Variants in MAPK14 observed in about 807,000 individuals in gnomAD.
MAPK14 encodes the protein mitogen-activated protein kinase 14, also known as CSAID-binding protein.
A neutral mutation model predicts 49.6 loss-of-function variants in MAPK14; 16 were observed. The ratio of observed to expected loss-of-function variants is 0.32; its 90% CI spans 0.22 to 0.49. The LOEUF (loss-of-function observed/expected upper bound fraction) is 0.49. MAPK14 is among the 20% of genes least tolerant of loss of function. The pLI is 0.99. For missense variants in MAPK14, 200 were observed against 441.2 expected, an observed-to-expected ratio of 0.45 and a Z score of 4.90; for synonymous variants, 142 against 158.0, an observed-to-expected ratio of 0.90 and a Z score of 0.76.
chr6:36,122,159 G>A, the MAPK14 span, among the ~76,000 whole-genome samples: 14 of 152,262 alleles, frequency 9.2e-5, no homozygotes, highest in Non-Finnish European at 1.9e-4. Flanking sequence ...CCCTGACCAA[G>A]GTCCATAGGG....
rs2127473909 is a variant in MAPK14, at chr6:36,103,422, C to T, written c.841+773C>T. Among the ~76,000 whole-genome samples the T allele has an allele frequency of 2.0e-5, 3 of 152,182 alleles. No homozygotes were observed. The Middle Eastern group carries it at 0.01, about 518-fold the overall frequency. ...TGGCACAATCATAGCTCACTGCAAG[C>T]TTGAACTCCTGGGCTCCAGTGATCC... On this transcript the variant is annotated intron_variant, in intron 10 of 11. Coordinates refer to ENST00000229794, the MANE Select transcript of MAPK14 (RefSeq NM_139012.3).
At chr6:36,033,990 G>A (rs1190510678) in intron 1 of MAPK14, among the ~76,000 whole-genome samples, 2 of 152,160 alleles carry the variant, frequency 1.3e-5, no homozygotes, top group Non-Finnish European at 2.9e-5. Flanking sequence ...TTCATTAAAG[G>A]AATGGCATAC....
At chr6:36,043,991 G>C (rs1361093595) in intron 1 of MAPK14, among the ~76,000 whole-genome samples, 1 of 151,512 alleles carries the variant, frequency 6.6e-6, no homozygotes, top group Non-Finnish European at 1.5e-5. Context: ...TGTATTTTTA[G>C]TAGAGACGGG....
At position 36,056,936 on chromosome 6, in the gene MAPK14, G is replaced by A. The variant is rs148641773; in HGVS notation, c.247-2353G>A. Among the ~76,000 whole-genome samples the A allele has an allele frequency of 1.2e-3, 177 of 152,260 alleles. 6 individuals carry two copies. In the East Asian group the frequency reaches 0.033, roughly 29 times the overall value. On this transcript the variant is annotated intron_variant, in intron 2 of 11. Transcript: ENST00000229794. ...GGAGTATACCAAACTCAAGGGAAAC[G>A]ATTATGGTTTAGATGGAGAAGGTAA...
At chr6:36,074,178 T>C (rs933901160) in intron 6 of MAPK14, 82 bp downstream of exon 6, 1 of 1,014,736 alleles carries the variant, frequency 9.9e-7, no homozygotes, top group African/African-American at 1.6e-5. Context: ...TCTTAGGGAG[T>C]AGCTTTGTGA....
At chr6:36,080,544 A>T (rs916547465) in intron 8 of MAPK14, among the ~76,000 whole-genome samples, 1 of 152,200 alleles carries the variant, frequency 6.6e-6, no homozygotes, top group Admixed American at 6.5e-5. Flanking sequence ...TCAGAATACT[A>T]TTCCATTGTA....
chr6:36,106,936 A>G (rs1339476151), intron 10 of MAPK14, among the ~76,000 whole-genome samples: 1 of 151,934 alleles, frequency 6.6e-6, no homozygotes, highest in African/African-American at 2.4e-5. Flanking sequence ...CTGCCTACCT[A>G]TTGTAGGTTA....
intron 3 of MAPK14, among the ~76,000 whole-genome samples, chr6:36,065,042 CATACCT>C (rs200317042): frequency 6.6e-6 from 1 of 152,342 alleles, no homozygotes; most frequent in East Asian, 1.9e-4. Flanking sequence ...TTTTTCCCCA[CATACCT>C]ACATGACTGT....
chr6:36,095,838 G>T, intron 8 of MAPK14, 149 bp from the exon 9 acceptor site: 1 of 598,536 alleles, frequency 1.7e-6, no homozygotes. Flanking sequence ...CAGGAGCCTT[G>T]ACCTAGAGGG....
intron 8 of MAPK14, among the ~76,000 whole-genome samples, chr6:36,091,338 C>T (rs1765220787): frequency 6.6e-6 from 1 of 151,278 alleles, no homozygotes; most frequent in Non-Finnish European, 1.5e-5. Context: ...TTAAGTTGTT[C>T]TTTTCTTCAT....
At chr6:36,101,030 TA>T (rs1765615636) in intron 9 of MAPK14, among the ~76,000 whole-genome samples, 1 of 152,224 alleles carries the variant, frequency 6.6e-6, no homozygotes, top group African/African-American at 2.4e-5. Context: ...CATGTTCAAG[TA>T]GAAAGGGATT....
At position 36,107,269 on chromosome 6, in the gene MAPK14, T is replaced by TAC. The variant is rs67149910; in HGVS notation, c.842-164_842-163dup. Among the ~76,000 whole-genome samples the TAC allele has an allele frequency of 1.3e-3, 189 of 150,770 alleles. No homozygotes were observed. Among genetic ancestry groups the TAC allele is most frequent in the African/African-American group, 3.3e-3 (136 of 41,092 alleles). On this transcript the variant is annotated intron_variant, in intron 10 of 11. Transcript: ENST00000229794. The surrounding 1 kb of genome is among the most constrained non-coding windows in gnomAD (Gnocchi z 4.3). The stretch of plus-strand genomic sequence containing the variant: ...AATTTTAAAACATAGAAAATACAGA[T>TAC]ACACACACACACACACACACACATA...
At chr6:36,063,578 T>C (rs1763917368) in intron 3 of MAPK14, among the ~76,000 whole-genome samples, 1 of 152,170 alleles carries the variant, frequency 6.6e-6, no homozygotes, top group Admixed American at 6.5e-5. Context: ...GACAGAGTGA[T>C]ATATGTGGTC....
chr6:36,101,463 G>T (rs894509680), intron 9 of MAPK14, among the ~76,000 whole-genome samples: 1 of 151,396 alleles, frequency 6.6e-6, no homozygotes, highest in Non-Finnish European at 1.5e-5. Context: ...AATAAATAAA[G>T]AAGGTGAACT....
intron 8 of MAPK14, among the ~76,000 whole-genome samples, chr6:36,093,736 A>C (rs1295084764): frequency 6.6e-6 from 1 of 151,664 alleles, no homozygotes; most frequent in African/African-American, 2.4e-5. Flanking sequence ...AAAAAAAAAA[A>C]AAAAAAACAA....
At chr6:36,070,311 CAGTT>C in intron 3 of MAPK14, among the ~76,000 whole-genome samples, 2 of 152,258 alleles carry the variant, frequency 1.3e-5, no homozygotes, top group Middle Eastern at 3.4e-3. Context: ...TCTGTGGGGT[CAGTT>C]AGTTTTAGAT....
chr6:36,048,505 G>A (rs958687830), intron 1 of MAPK14, among the ~76,000 whole-genome samples: 8 of 152,210 alleles, frequency 5.3e-5, no homozygotes, highest in Admixed American at 2.0e-4. Flanking sequence ...GACTGTATTG[G>A]ATGCATTTGG....
chr6:36,052,278 T>C (rs1304720187), intron 1 of MAPK14, among the ~76,000 whole-genome samples: 2 of 152,206 alleles, frequency 1.3e-5, no homozygotes, highest in African/African-American at 4.8e-5. Context: ...CAACTCTGTT[T>C]ATTAATCTGT....
intron 1 of MAPK14, among the ~76,000 whole-genome samples, chr6:36,046,132 G>A (rs961384699): frequency 3.9e-5 from 6 of 152,148 alleles, no homozygotes; most frequent in African/African-American, 7.2e-5. Context: ...TTATGTACTG[G>A]ATTCACGGTC....
Sources: gnomAD v4.1 joint callset for allele counts (sites outside exome capture counted in the v4.1 genomes callset) on GRCh38, gnomAD v4.1.1 for gene constraint, Gnocchi (gnomAD v3.1) non-coding constraint, MANE v1.5 for transcripts, NCBI Gene and HGNC (gene_info 2026-07-23, HGNC 2026-07-21) for gene names.